Variants in TNIK observed in about 807,000 individuals in gnomAD.
The protein encoded by TNIK is TRAF2 and NCK interacting kinase.
TNIK carries 49 observed loss-of-function variants against 191.3 expected under a neutral mutation model. The observed-to-expected ratio is 0.26, with a 90% CI of 0.20 to 0.32. The LOEUF (loss-of-function observed/expected upper bound fraction) is 0.32. TNIK is among the 10% of genes least tolerant of loss of function. The pLI, the probability that TNIK is intolerant of heterozygous loss-of-function variation, is 1.00. For synonymous variants in TNIK, 594 were observed against 600.9 expected, an observed-to-expected ratio of 0.99 and a Z score of 0.17; for missense variants, 1,155 against 1,702.3, an observed-to-expected ratio of 0.68 and a Z score of 5.66.
At chr3:171,216,977 G>A (rs973825551) in intron 3 of TNIK, among the ~76,000 whole-genome samples, 2 of 152,148 alleles carry the variant, frequency 1.3e-5, no homozygotes, top group Admixed American at 1.3e-4. Flanking sequence ...TGGATTTGCT[G>A]TATATGTTAA....
intron 1 of TNIK, among the ~76,000 whole-genome samples, chr3:171,378,576 C>T (rs543141667): frequency 1.3e-5 from 2 of 152,302 alleles, no homozygotes; most frequent in South Asian, 4.1e-4. Flanking sequence ...GTTTTGTCCA[C>T]TGCAGTATCT....
intron 9 of TNIK, among the ~76,000 whole-genome samples, chr3:171,172,008 C>T (rs1735350474): frequency 1.3e-5 from 2 of 152,172 alleles, no homozygotes; most frequent in African/African-American, 4.8e-5. Flanking sequence ...AAGGCCTCTC[C>T]TCATCATACC....
At chr3:171,132,863 G>A (rs1196070333) in intron 15 of TNIK, among the ~76,000 whole-genome samples, 1 of 152,164 alleles carries the variant, frequency 6.6e-6, no homozygotes, top group East Asian at 1.9e-4. Context: ...TTAATACATG[G>A]TGAATTCAAC....
At chr3:171,111,168 C>A (rs896447009) in intron 18 of TNIK, among the ~76,000 whole-genome samples, 1 of 152,142 alleles carries the variant, frequency 6.6e-6, no homozygotes, top group African/African-American at 2.4e-5. Context: ...TCACCTATAA[C>A]CCCAGCACTT....
chr3:171,095,600 A>C (rs887075065), intron 22 of TNIK, among the ~76,000 whole-genome samples: 1 of 152,202 alleles, frequency 6.6e-6, no homozygotes, highest in African/African-American at 2.4e-5. Flanking sequence ...ATGAAAGTCC[A>C]AAGAATTACT....
At chr3:171,314,171 G>A (rs1179495319) in intron 2 of TNIK, among the ~76,000 whole-genome samples, 1 of 152,134 alleles carries the variant, frequency 6.6e-6, no homozygotes, top group African/African-American at 2.4e-5. Context: ...TCTGTTGCTG[G>A]AGTCCCTTTA....
chr3:171,430,309 C>T (rs570588493), intron 1 of TNIK, among the ~76,000 whole-genome samples: 3 of 152,194 alleles, frequency 2.0e-5, no homozygotes, highest in East Asian at 1.9e-4. Context: ...AATGCCTTTA[C>T]GCTAAACAAT....
chr3:171,232,699 C>T (rs555897086), intron 2 of TNIK, among the ~76,000 whole-genome samples: 3 of 152,288 alleles, frequency 2.0e-5, no homozygotes, highest in South Asian at 2.1e-4. Context: ...CTTGGGGTCA[C>T]GGCTCAGCCT....
At chr3:171,280,861 C>T (rs965775223) in intron 2 of TNIK, among the ~76,000 whole-genome samples, 1 of 152,116 alleles carries the variant, frequency 6.6e-6, no homozygotes, top group Non-Finnish European at 1.5e-5. Flanking sequence ...AGATATTTCT[C>T]TATTACTATA....
In TNIK at chr3:171,082,231, T is replaced by G; in HGVS notation, c.3313+20A>C. ...TTCCCGCTGTATGGACCTGGGGGAC[T>G]CATCATCTTAGTAACATACCTGAAA... On this transcript the variant is annotated intron_variant, in intron 27 of 32. Coordinates refer to ENST00000436636, the MANE Select transcript of TNIK (RefSeq NM_015028.4). 1 of 1,609,092 alleles carries G rather than the reference T, an allele frequency of 6.2e-7. No individual in the cohort carries two copies. The highest frequency in any genetic ancestry group is 8.5e-7 in the Non-Finnish European group (1 of 1,177,558).
intron 3 of TNIK, among the ~76,000 whole-genome samples, chr3:171,223,639 A>G (rs1363943024): frequency 6.6e-6 from 1 of 152,160 alleles, no homozygotes; most frequent in African/African-American, 2.4e-5. Flanking sequence ...TTCACATCCT[A>G]AAATGGGGCT....
chr3:171,111,258 C>CA (rs1469327460), intron 18 of TNIK, among the ~76,000 whole-genome samples: 1 of 151,604 alleles, frequency 6.6e-6, no homozygotes, highest in Admixed American at 6.6e-5. Context: ...CCCATCTCCA[C>CA]AAAAAAATTA....
intron 11 of TNIK, among the ~76,000 whole-genome samples, chr3:171,157,898 G>A (rs761160414): frequency 2.0e-5 from 3 of 152,196 alleles, no homozygotes; most frequent in Non-Finnish European, 2.9e-5. Flanking sequence ...TCCATCCATA[G>A]AGGGATGTCA....
chr3:171,424,644 A>T (rs186822680), intron 1 of TNIK, among the ~76,000 whole-genome samples: 9 of 152,226 alleles, frequency 5.9e-5, no homozygotes, highest in Admixed American at 2.0e-4. Flanking sequence ...CATGGAATAC[A>T]ATGCAGCCAT....
At chr3:171,179,633 A>G (rs1405398557) in intron 7 of TNIK, among the ~76,000 whole-genome samples, 1 of 151,850 alleles carries the variant, frequency 6.6e-6, no homozygotes, top group Non-Finnish European at 1.5e-5. Context: ...TTGTGTTTTT[A>G]GTAGAGACGG....
intron 22 of TNIK, 84 bp from the exon 23 acceptor site, chr3:171,094,052 G>A: frequency 6.7e-7 from 1 of 1,483,798 alleles, no homozygotes; most frequent in Non-Finnish European, 9.0e-7. Context: ...TTTTGTTATG[G>A]TAAAATATAC....
intron 5 of TNIK, among the ~76,000 whole-genome samples, chr3:171,193,922 T>C (rs1026571314): frequency 5.9e-5 from 9 of 152,176 alleles, no homozygotes; most frequent in African/African-American, 9.7e-5. Flanking sequence ...GATTTCCTGA[T>C]TGGGGGATGT....
intron 1 of TNIK, among the ~76,000 whole-genome samples, chr3:171,423,191 GACAA>G (rs780600264): frequency 2.6e-4 from 39 of 152,242 alleles, no homozygotes; most frequent in African/African-American, 5.5e-4. Flanking sequence ...ACCAATAACG[GACAA>G]ACAGAGAGCC....
chr3:171,255,024 T>C (rs571397358), intron 2 of TNIK, among the ~76,000 whole-genome samples: 1 of 152,338 alleles, frequency 6.6e-6, no homozygotes, highest in East Asian at 1.9e-4. Context: ...GAGAAAGCCA[T>C]TTTTAACATA....
Sources: allele counts gnomAD v4.1 joint callset (sites outside exome capture counted in the v4.1 genomes callset), GRCh38; gene constraint gnomAD v4.1.1; transcripts MANE v1.5; gene names NCBI Gene and HGNC (gene_info 2026-07-23, HGNC 2026-07-21).